Variants in SETBP1 observed in about 807,000 individuals in gnomAD.
SETBP1 encodes SET-binding protein.
Under a neutral mutation model 101.0 loss-of-function variants are expected in SETBP1, and 9 were observed. The ratio of observed to expected loss-of-function variants is 0.09; its 90% confidence interval spans 0.05 to 0.16. The LOEUF (loss-of-function observed/expected upper bound fraction) is 0.16. Among genes scored for constraint, SETBP1 ranks in the 10% least tolerant of loss-of-function variants. SETBP1 has a pLI of 1.00. For missense variants in SETBP1, 1,858 were observed against 2,033.8 expected (o/e 0.91, Z 1.66); for synonymous variants, 818 against 788.5 (o/e 1.04, Z -0.63).
At chr18:44,884,584 G>C (rs180869123) in intron 3 of SETBP1, among the ~76,000 whole-genome samples, 2 of 152,278 alleles carry the variant, frequency 1.3e-5, no homozygotes, top group East Asian at 3.9e-4. Flanking sequence ...GGATTCAGAA[G>C]CCAGAAGAAG....
chr18:44,774,365 ATGTGTGTGTGGGTGTG>A (rs1175125291), intron 2 of SETBP1, among the ~76,000 whole-genome samples: 1 of 149,270 alleles, frequency 6.7e-6, no homozygotes, highest in Non-Finnish European at 1.5e-5. Context: ...TTGAGTGTGT[ATGTGTGTGTGGGTGTG>A]TGTGTGTGTG....
intron 2 of SETBP1, among the ~76,000 whole-genome samples, chr18:44,749,235 C>T (rs1019093361): frequency 2.0e-5 from 3 of 152,178 alleles, no homozygotes; most frequent in East Asian, 1.9e-4. Context: ...CATTACCCCT[C>T]GTTGGGGAGT....
chr18:45,055,293 T>C (rs2073790162), intron 5 of SETBP1, among the ~76,000 whole-genome samples: 1 of 152,202 alleles, frequency 6.6e-6, no homozygotes, highest in African/African-American at 2.4e-5. Flanking sequence ...GCAGTGATAT[T>C]AGTAACATAA....
chr18:45,055,320 C>T (rs548784089), intron 5 of SETBP1, among the ~76,000 whole-genome samples: 1 of 152,070 alleles, frequency 6.6e-6, no homozygotes, highest in Admixed American at 6.5e-5. Context: ...ACAGTCATAC[C>T]ATTTAAATAC....
chr18:45,016,064 A>G (rs1255610427), intron 4 of SETBP1, among the ~76,000 whole-genome samples: 1 of 152,198 alleles, frequency 6.6e-6, no homozygotes, highest in East Asian at 1.9e-4. Context: ...GAAAGAAAAC[A>G]AACAACAAAA....
At chr18:44,782,332 G>T (rs2071148537) in intron 2 of SETBP1, among the ~76,000 whole-genome samples, 1 of 150,496 alleles carries the variant, frequency 6.6e-6, no homozygotes, top group Admixed American at 6.6e-5. Context: ...TTTCCAAAAA[G>T]AAATGTATTT....
At chr18:44,699,708 C>G (rs1390525925) in intron 1 of SETBP1, among the ~76,000 whole-genome samples, 3 of 152,204 alleles carry the variant, frequency 2.0e-5, no homozygotes, top group African/African-American at 7.2e-5. Flanking sequence ...GTAAATGTGT[C>G]TTTCTGCAAA....
At chr18:44,845,930 T>C (rs1444306876) in intron 2 of SETBP1, among the ~76,000 whole-genome samples, 1 of 152,236 alleles carries the variant, frequency 6.6e-6, no homozygotes, top group Non-Finnish European at 1.5e-5. Context: ...AGAGGGCAAC[T>C]GGCTTTGTGT....
intron 4 of SETBP1, chr18:44,988,076 A>G (rs1018071440): frequency 2.6e-5 from 4 of 152,204 alleles, no homozygotes; most frequent in African/African-American, 9.7e-5. Flanking sequence ...TCTGCTGAAA[A>G]GTATGCACCC....
intron 2 of SETBP1, among the ~76,000 whole-genome samples, chr18:44,733,505 G>A (rs1011468273): frequency 6.6e-6 from 1 of 152,124 alleles, no homozygotes; most frequent in Non-Finnish European, 1.5e-5. Flanking sequence ...GTGGAGTCTG[G>A]TGTTTTCTTT....
At chr18:44,767,282 G>A (rs781671482) in intron 2 of SETBP1, among the ~76,000 whole-genome samples, 2 of 152,092 alleles carry the variant, frequency 1.3e-5, no homozygotes, top group African/African-American at 2.4e-5. Flanking sequence ...TCTTACTAGT[G>A]TGAGTGTTTT....
At chr18:44,898,349 T>C (rs1411572314) in intron 3 of SETBP1, among the ~76,000 whole-genome samples, 1 of 152,202 alleles carries the variant, frequency 6.6e-6, no homozygotes, top group African/African-American at 2.4e-5. Context: ...TTATGGTACA[T>C]AGGAGAATCA....
intron 3 of SETBP1, among the ~76,000 whole-genome samples, chr18:44,874,158 TTTAA>T (rs2069343460): frequency 6.6e-6 from 1 of 152,188 alleles, no homozygotes; most frequent in Non-Finnish European, 1.5e-5. Flanking sequence ...TAATAAAAAA[TTTAA>T]TTAACTTATC....
chr18:44,747,672 G>A (rs2070288055), intron 2 of SETBP1, among the ~76,000 whole-genome samples: 1 of 152,248 alleles, frequency 6.6e-6, no homozygotes, highest in African/African-American at 2.4e-5. Flanking sequence ...TGCAGTCTGT[G>A]TAACTCAGTT....
In SETBP1 at chr18:44,952,258, G is replaced by C. The variant is rs140321570; in HGVS notation, c.2918G>C (p.Ser973Thr). 24 of 1,613,970 alleles carry C rather than the reference G, an allele frequency of 1.5e-5. No homozygotes were observed. The highest frequency in any genetic ancestry group is 1.9e-5 in the Non-Finnish European group (23 of 1,180,028). ...CAAGTGTTCAGAATCTCCCACCGGA[G>C]TTACACCTTCTACCACGAGAATCCA... ...KFQVFRISHR[S>T]YTFYHENPYP... is the part of the protein sequence containing the mutation. Residue 973 changes from serine (S) to threonine (T), a missense_variant, in exon 4 of 6, where the codon AGT (serine) becomes ACT (threonine). Physicochemically the swap from Ser to Thr is moderately conservative, Grantham distance 58 (BLOSUM62 1). Coordinates refer to ENST00000649279, the MANE Select transcript of SETBP1 (RefSeq NM_015559.3).
intron 3 of SETBP1, among the ~76,000 whole-genome samples, chr18:44,933,448 A>G (rs896835634): frequency 2.0e-5 from 3 of 152,222 alleles, no homozygotes; most frequent in African/African-American, 7.2e-5. Flanking sequence ...CTCAAACTCC[A>G]TGCTGGAAGA....
At chr18:44,969,365 C>T (rs1363451539) in intron 4 of SETBP1, among the ~76,000 whole-genome samples, 2 of 152,120 alleles carry the variant, frequency 1.3e-5, no homozygotes, top group Admixed American at 1.3e-4. Context: ...AGAAAAAGCC[C>T]TCAGTTATGT....
rs536645635 is a variant in SETBP1, at chr18:44,951,099, C to A, written c.1759C>A (p.Arg587=). The change falls in exon 4 of 6, where the codon CGG becomes AGG. Residue 587 remains arginine (R), a synonymous_variant. Coordinates refer to ENST00000649279, the MANE Select transcript of SETBP1 (RefSeq NM_015559.3). The surrounding 1 kb of genome is among the most constrained non-coding windows in gnomAD (Gnocchi z 7.8). ...TGTGATCACTCCAGTCAAAAAGAAG[C>A]GGGGACGACCAAAGAAGCAGCCTTT... ...LTVITPVKKK[R]GRPKKQPLLT... 6.2e-7 allele frequency: 1 copy of A among 1,614,066 alleles called. No individual in the cohort carries two copies. Among genetic ancestry groups the A allele is most frequent in the African/African-American group, 1.3e-5 (1 of 74,996 alleles).
At chr18:44,725,399 G>A (rs991566864) in intron 2 of SETBP1, among the ~76,000 whole-genome samples, 1 of 152,140 alleles carries the variant, frequency 6.6e-6, no homozygotes, top group Admixed American at 6.5e-5. Context: ...GCAAAACTGG[G>A]TTGGGGGGTG....
Sources: allele counts gnomAD v4.1 joint callset (sites outside exome capture counted in the v4.1 genomes callset), GRCh38; gene constraint gnomAD v4.1.1; non-coding constraint Gnocchi (gnomAD v3.1); transcripts MANE v1.5; gene names NCBI Gene and HGNC (gene_info 2026-07-23, HGNC 2026-07-21).